RNF157: variants seen among roughly 807,000 people sequenced by gnomAD.
RNF157 encodes E3 ubiquitin ligase RNF157.
Under a neutral mutation model 88.3 loss-of-function variants are expected in RNF157, and 55 were observed. The ratio of observed to expected loss-of-function variants is 0.62; its 90% CI spans 0.50 to 0.78. RNF157 has a LOEUF of 0.78. RNF157 is among the 30% of genes least tolerant of loss of function. The pLI is 0.00. For missense variants in RNF157, 788 were observed against 860.8 expected (o/e 0.92, Z 1.06); for synonymous variants, 334 against 341.2 (o/e 0.98, Z 0.23).
chr17:76,203,785 T>TTG (rs2069629349), intron 2 of RNF157, among the ~76,000 whole-genome samples: 3 of 146,188 alleles, frequency 2.1e-5, no homozygotes, highest in African/African-American at 7.7e-5. Context: ...TTTTTTTTTT[T>TTG]GGGACGGAGT....
At chr17:76,229,351 A>T (rs2070149252) in intron 1 of RNF157, among the ~76,000 whole-genome samples, 1 of 152,250 alleles carries the variant, frequency 6.6e-6, no homozygotes, top group South Asian at 2.1e-4. Context: ...TTTGTGACCC[A>T]GGACAAATTA....
chr17:76,161,651 T>C lies in RNF157; in HGVS notation c.953-4A>G. The C allele has an allele frequency of 6.2e-7, 1 of 1,612,520 alleles. No individual in the cohort carries two copies. Among genetic ancestry groups the C allele is most frequent in the Non-Finnish European group, 8.5e-7 (1 of 1,179,018 alleles). ...ATCTGAAGCAGTGCCCGGAAGGCTGTGAAGGAGAAAACAGGCAATCAGGAC... is the reference window on the plus strand; with the variant it reads ...ATCTGAAGCAGTGCCCGGAAGGCTGCGAAGGAGAAAACAGGCAATCAGGAC... On this transcript the variant is annotated splice_region_variant and splice_polypyrimidine_tract_variant and intron_variant, in intron 10 of 18. Transcript: ENST00000269391. The surrounding 1 kb of genome is among the most constrained non-coding windows in gnomAD (Gnocchi z 4.6).
At position 76,146,821 on chromosome 17, in the gene RNF157, G is replaced by A. The variant is rs1017506624; in HGVS notation, c.1922-1468C>T. Reference sequence around the variant, plus strand: ...GAGGACCTGTTCAGCGGACAAGGCCGACCAACTGTAGAGTGTGGCCGTGAG... The same window carrying A: ...GAGGACCTGTTCAGCGGACAAGGCCAACCAACTGTAGAGTGTGGCCGTGAG... On this transcript the variant is annotated intron_variant, in intron 18 of 18. Coordinates refer to ENST00000269391, the MANE Select transcript of RNF157 (RefSeq NM_052916.3). This position sits in a 1 kb window ranked among gnomAD's most constrained non-coding sequence, Gnocchi z 4.2. The A allele has an allele frequency of 7.1e-6, 7 of 985,288 alleles. No homozygotes were observed. The highest frequency in any genetic ancestry group is 1.2e-4 in the Admixed American group (2 of 16,274). 61.0% of individuals were successfully genotyped at this position (985,288 alleles called of 1,614,324 possible).
In RNF157 at chr17:76,147,299, C is replaced by T. The variant is rs114253130; in HGVS notation, c.1922-1946G>A. 31 of 985,524 alleles carry T rather than the reference C, an allele frequency of 3.1e-5. No homozygotes were observed. In the African/African-American group the frequency reaches 3.8e-4, roughly 12 times the overall value. The allele number at this position is 985,524 out of a possible 1,614,324, so 61.0% of individuals were successfully genotyped here. On this transcript the variant is annotated intron_variant, in intron 18 of 18. Coordinates refer to ENST00000269391, the MANE Select transcript of RNF157 (RefSeq NM_052916.3). ...CCTCAATGTTTATGGGGCAGGACTC[C>T]GGAGCTGCGGCTGTTCAGTAGGAAA...
intron 1 of RNF157, chr17:76,225,608 A>G (rs1318761143): frequency 1.4e-5 from 9 of 644,290 alleles, no homozygotes; most frequent in Non-Finnish European, 2.2e-5. Context: ...GTAGGCATCT[A>G]TGTCTGTATT....
chr17:76,225,660 A>T, intron 1 of RNF157: 1 of 1,143,690 alleles, frequency 8.7e-7, no homozygotes, highest in Non-Finnish European at 1.2e-6. Flanking sequence ...AATAATATGT[A>T]TTTTTTTCCC....
Position 76,240,070 on chromosome 17 carries a change from G to A in RNF157, c.88+83C>T, listed in dbSNP as rs1390221879. 22 of 788,546 alleles carry A rather than the reference G, an allele frequency of 2.8e-5. No homozygotes were observed. The East Asian group carries it at 8.4e-4, about 30-fold the overall frequency. The allele number at this position is 788,546 out of a possible 1,614,324, so 48.8% of individuals were successfully genotyped here. On this transcript the variant is annotated intron_variant, in intron 1 of 18. Transcript: ENST00000269391. The surrounding 1 kb of genome is among the most constrained non-coding windows in gnomAD (Gnocchi z 4.4). ...AACCACTGAGTCCCCGAAGACCCGCGGGGCCCCCTCAGGCCGTCCCGACCC... is the reference window on the plus strand; with the variant it reads ...AACCACTGAGTCCCCGAAGACCCGCAGGGCCCCCTCAGGCCGTCCCGACCC...
At chr17:76,223,376 C>T (rs535052940) in intron 1 of RNF157, among the ~76,000 whole-genome samples, 14 of 151,860 alleles carry the variant, frequency 9.2e-5, no homozygotes, top group South Asian at 2.1e-4. Context: ...TTAGTAGAGA[C>T]GGGGTTTCAC....
chr17:76,182,451 CTGTGTGTGTG>C (rs5822121), intron 2 of RNF157, among the ~76,000 whole-genome samples: 13 of 144,120 alleles, frequency 9.0e-5, no homozygotes, highest in East Asian at 2.1e-4. Flanking sequence ...CGCATTTAGT[CTGTGTGTGTG>C]TGTGTGTGTG....
At chr17:76,212,554 C>G in intron 1 of RNF157, 72 bp from the exon 2 acceptor site, 2 of 920,772 alleles carry the variant, frequency 2.2e-6, no homozygotes, top group South Asian at 2.8e-5. Context: ...AAAAAAAAAG[C>G]TGATTTTTAA....
chr17:76,171,430 C>T (rs948253357), intron 3 of RNF157, among the ~76,000 whole-genome samples: 3 of 152,002 alleles, frequency 2.0e-5, no homozygotes, highest in Non-Finnish European at 2.9e-5. Context: ...CTCGGTGATC[C>T]GCCCGCCTTG....
At position 76,142,723 on chromosome 17, in the gene RNF157, G is replaced by C. The variant is rs932293653; in HGVS notation, c.*2512C>G. The C allele has an allele frequency of 3.3e-5, 5 of 152,338 alleles. No homozygotes were observed. Among genetic ancestry groups the C allele is most frequent in the African/African-American group, 9.7e-5 (4 of 41,444 alleles). The allele number at this position is 152,338 out of a possible 1,614,324, so 9.4% of individuals were successfully genotyped here. A position where few individuals can be genotyped will look rare whatever the true frequency, so the allele number is the denominator to read the frequency against. On this transcript the variant is annotated 3_prime_UTR_variant, in exon 19 of 19. Coordinates refer to ENST00000269391, the MANE Select transcript of RNF157 (RefSeq NM_052916.3). ...AGGTGGGCAGGACCCTAACTCCCAG[G>C]CCAGCCGGCTTAGAGTGTGGTGGTC...
At chr17:76,162,049 G>A (rs768135904) in intron 9 of RNF157, 47 bp from the exon 10 acceptor site, 13 of 1,580,640 alleles carry the variant, frequency 8.2e-6, no homozygotes, top group Middle Eastern at 1.7e-4. Context: ...AGCCCTTCCT[G>A]TCCCATACTT....
Position 76,161,948 on chromosome 17 carries a change from C to A in RNF157, c.847G>T (p.Asp283Tyr). 1.9e-6 allele frequency: 3 copies of A among 1,614,222 alleles called. No individual in the cohort carries two copies. Among genetic ancestry groups the A allele is most frequent in the Non-Finnish European group, 2.5e-6 (3 of 1,180,048 alleles). Residue 283 changes from aspartate to tyrosine, a missense_variant, in exon 10 of 19, where the codon GAT becomes TAT. By Grantham distance (160) the Asp-to-Tyr change is radical (BLOSUM62 -3). Transcript: ENST00000269391. This position sits in a 1 kb window ranked among gnomAD's most constrained non-coding sequence, Gnocchi z 4.6. ...NSAECVVCLS[D>Y]VRDTLILPCR... ...GGCAGAATCAAGGTGTCCCGGACAT[C>A]CGAGAGACACACCACACACTCGGCA...
intron 2 of RNF157, among the ~76,000 whole-genome samples, chr17:76,199,570 TAAAAAAAAAAAAA>T (rs34151599): frequency 9.0e-6 from 1 of 110,984 alleles, no homozygotes; most frequent in Non-Finnish European, 1.9e-5. Flanking sequence ...AGCTGAAAGT[TAAAAAAAAAAAAA>T]AAAAAAAAAG....
chr17:76,212,924 A>G (rs1360028662), intron 1 of RNF157, among the ~76,000 whole-genome samples: 2 of 152,212 alleles, frequency 1.3e-5, no homozygotes, highest in African/African-American at 2.4e-5. Flanking sequence ...CTAATCCCAG[A>G]GTGTTTTCTT....
chr17:76,231,346 A>G (rs901706429), intron 1 of RNF157, among the ~76,000 whole-genome samples: 11 of 152,116 alleles, frequency 7.2e-5, no homozygotes, highest in African/African-American at 2.2e-4. Flanking sequence ...ATTGAGTTGT[A>G]AGAGTTCTTA....
intron 2 of RNF157, among the ~76,000 whole-genome samples, chr17:76,207,428 G>GA (rs910808692): frequency 2.4e-4 from 36 of 147,778 alleles, no homozygotes; most frequent in East Asian, 5.9e-4. Context: ...ATCTCTAGGG[G>GA]AAAAAAAAAA....
intron 1 of RNF157, among the ~76,000 whole-genome samples, chr17:76,215,389 C>A (rs2069870386): frequency 6.6e-6 from 1 of 151,336 alleles, no homozygotes; most frequent in Non-Finnish European, 1.5e-5. Context: ...GCAGAAGGGT[C>A]GCTTGAGTTC....
Sources: allele counts gnomAD v4.1 joint callset (sites outside exome capture counted in the v4.1 genomes callset), GRCh38; gene constraint gnomAD v4.1.1; non-coding constraint Gnocchi (gnomAD v3.1); transcripts MANE v1.5; gene names NCBI Gene and HGNC (gene_info 2026-07-23, HGNC 2026-07-21).